Variants in SYT1 observed in about 807,000 individuals in gnomAD.
SYT1 encodes the protein synaptotagmin 1.
In SYT1, 8 loss-of-function variants were observed where a neutral mutation model predicts 44.8. The observed-to-expected ratio is 0.18, with a 90% CI of 0.10 to 0.32. The LOEUF (loss-of-function observed/expected upper bound fraction) is 0.32. Ranked by LOEUF, SYT1 falls within the 10% of genes least tolerant of loss-of-function variation. The pLI is 1.00. For synonymous variants in SYT1, 154 were observed against 188.8 expected (o/e 0.82, Z 1.51); for missense variants, 286 against 509.3 (o/e 0.56, Z 4.22).
Position 79,053,529 on chromosome 12 carries a change from T to G in SYT1, c.-18+6167T>G, listed in dbSNP as rs948605617. Among the ~76,000 whole-genome samples the G allele has an allele frequency of 1.1e-4, 17 of 149,762 alleles. No individual in the cohort carries two copies. In the East Asian group the frequency reaches 3.1e-3, roughly 27 times the overall value. ...CAATAATAATAAAATTTAAAAAAAT[T>G]CTTATATATATTATATAAATTCTTA... On this transcript the variant is annotated intron_variant, in intron 3 of 10. Coordinates refer to ENST00000261205, the MANE Select transcript of SYT1 (RefSeq NM_005639.3).
chr12:79,343,571 A>C (rs138442068), intron 8 of SYT1, among the ~76,000 whole-genome samples: 3 of 152,202 alleles, frequency 2.0e-5, no homozygotes, highest in Non-Finnish European at 2.9e-5. Flanking sequence ...GCCTGACTAT[A>C]GAGTCCATGT....
At chr12:78,963,537 T>A (rs144597454) in intron 1 of SYT1, among the ~76,000 whole-genome samples, 501 of 152,078 alleles carry the variant, frequency 3.3e-3, no homozygotes, top group Non-Finnish European at 5.2e-3. Flanking sequence ...AAAGAAGACA[T>A]ACAGTTAGCT....
chr12:79,340,148 T>C (rs1206243315), intron 8 of SYT1, among the ~76,000 whole-genome samples: 1 of 152,208 alleles, frequency 6.6e-6, no homozygotes, highest in Non-Finnish European at 1.5e-5. Flanking sequence ...GTCTTGGCAA[T>C]GCGGGCTCTT....
At chr12:79,316,956 A>G (rs1186857795) in intron 8 of SYT1, among the ~76,000 whole-genome samples, 2 of 152,224 alleles carry the variant, frequency 1.3e-5, no homozygotes, top group African/African-American at 4.8e-5. Flanking sequence ...ATTTCCACAT[A>G]TGTTAAATAT....
intron 3 of SYT1, among the ~76,000 whole-genome samples, chr12:79,145,795 T>C (rs1869860966): frequency 6.6e-6 from 1 of 151,394 alleles, no homozygotes; most frequent in Non-Finnish European, 1.5e-5. Flanking sequence ...TCTCGCTCTG[T>C]CGCCCAGGCT....
intron 1 of SYT1, among the ~76,000 whole-genome samples, chr12:78,886,043 A>G (rs1874730135): frequency 6.6e-6 from 1 of 151,912 alleles, no homozygotes; most frequent in Non-Finnish European, 1.5e-5. Context: ...CTTCCCTCAT[A>G]CTTGGTAGGG....
At chr12:79,004,493 G>C (rs1870950810) in intron 2 of SYT1, among the ~76,000 whole-genome samples, 1 of 151,864 alleles carries the variant, frequency 6.6e-6, no homozygotes, top group Non-Finnish European at 1.5e-5. Flanking sequence ...GTTAGCATAA[G>C]TAATTTGAAT....
chr12:78,980,761 CAA>C (rs1869191040), intron 2 of SYT1, among the ~76,000 whole-genome samples: 2 of 151,596 alleles, frequency 1.3e-5, no homozygotes, highest in South Asian at 4.2e-4. Context: ...GCCAATTAGA[CAA>C]AAAATATTAC....
Position 78,990,111 on chromosome 12 carries a change from G to A in SYT1, c.-84+12180G>A, listed in dbSNP as rs544666510. Among the ~76,000 whole-genome samples the A allele has an allele frequency of 2.6e-4, 40 of 152,260 alleles. No homozygotes were observed. The South Asian group carries it at 7.9e-3, about 30-fold the overall frequency. ...TTCTGGGTTTTTGTACCACAATTGA[G>A]GGATTGTGGGTGGTATTTGAACATG... is the stretch of plus-strand genomic sequence containing the variant. On this transcript the variant is annotated intron_variant, in intron 2 of 10. Transcript: ENST00000261205.
intron 3 of SYT1, among the ~76,000 whole-genome samples, chr12:79,127,670 T>C (rs556726695): frequency 7.0e-4 from 106 of 152,358 alleles, no homozygotes; most frequent in African/African-American, 2.5e-3. Flanking sequence ...TCTGTTGTTT[T>C]CATGTGCTGC....
intron 4 of SYT1, among the ~76,000 whole-genome samples, chr12:79,266,410 GA>G (rs57350730): frequency 1.3e-5 from 2 of 150,862 alleles, no homozygotes; most frequent in African/African-American, 2.4e-5. Context: ...TTTTGGCAAA[GA>G]AAAAAAAATA....
At chr12:79,132,375 C>T (rs1387064545) in intron 3 of SYT1, among the ~76,000 whole-genome samples, 1 of 149,784 alleles carries the variant, frequency 6.7e-6, no homozygotes, top group South Asian at 2.1e-4. Context: ...TTTGAACCTG[C>T]GAAATGGAGG....
intron 9 of SYT1, among the ~76,000 whole-genome samples, chr12:79,407,091 T>G (rs547515672): frequency 3.9e-5 from 6 of 152,128 alleles, no homozygotes; most frequent in Admixed American, 2.0e-4. Flanking sequence ...TAAGATGGCA[T>G]GTGACAGTGC....
chr12:79,171,281 A>T (rs1008109703), intron 3 of SYT1, among the ~76,000 whole-genome samples: 1 of 151,980 alleles, frequency 6.6e-6, no homozygotes, highest in Non-Finnish European at 1.5e-5. Flanking sequence ...ATTACTTTGG[A>T]TAGTATAGCC....
At chr12:79,152,971 T>C (rs1870370313) in intron 3 of SYT1, among the ~76,000 whole-genome samples, 1 of 151,868 alleles carries the variant, frequency 6.6e-6, no homozygotes, top group Non-Finnish European at 1.5e-5. Context: ...AAGAAAATTA[T>C]TACCCTTCTC....
At chr12:78,966,602 T>C (rs528737749) in intron 1 of SYT1, among the ~76,000 whole-genome samples, 147 of 152,316 alleles carry the variant, frequency 9.7e-4, no homozygotes, top group African/African-American at 3.3e-3. Flanking sequence ...ATATTACTTA[T>C]ATCAGGTAAG....
chr12:79,443,582 G>T (rs796479467), intron 9 of SYT1, among the ~76,000 whole-genome samples: 95 of 152,288 alleles, frequency 6.2e-4, no homozygotes, highest in African/African-American at 2.1e-3. Flanking sequence ...TAATATTGAT[G>T]GAGTAAATGA....
intron 4 of SYT1, among the ~76,000 whole-genome samples, chr12:79,232,765 A>C (rs962736187): frequency 1.3e-5 from 2 of 152,160 alleles, no homozygotes; most frequent in African/African-American, 4.8e-5. Context: ...TCTGGCTCAT[A>C]GGTAGGCAGA....
intron 4 of SYT1, among the ~76,000 whole-genome samples, chr12:79,261,008 G>A (rs1294317647): frequency 1.1e-4 from 16 of 152,080 alleles, no homozygotes; most frequent in African/African-American, 2.4e-5. Context: ...GGGTCACCTC[G>A]CTGTTGGAAC....
Sources: gnomAD v4.1 joint callset for allele counts (sites outside exome capture counted in the v4.1 genomes callset) on GRCh38, gnomAD v4.1.1 for gene constraint, MANE v1.5 for transcripts, NCBI Gene and HGNC (gene_info 2026-07-23, HGNC 2026-07-21) for gene names.